CACNA1S: variants seen among roughly 807,000 people sequenced by gnomAD.
CACNA1S encodes the protein voltage-dependent L-type calcium channel subunit alpha-1S.
In CACNA1S, 126 loss-of-function variants were observed where a neutral mutation model predicts 207.4. That is an observed-to-expected ratio of 0.61 (90% confidence interval 0.53 to 0.70). The LOEUF is 0.70. CACNA1S is among the 30% of genes least tolerant of loss of function. The probability of loss-of-function intolerance (pLI) is 0.00; values close to 1 mark genes in which losing one functional copy is unlikely to be tolerated. For synonymous variants in CACNA1S, 960 were observed against 932.7 expected (o/e 1.03, Z -0.53); for missense variants, 2,349 against 2,422.8 (o/e 0.97, Z 0.64).
rs1381384677 is a variant in CACNA1S, at chr1:201,070,280, G to T, written c.2352C>A (p.Pro784=). Reference sequence around the variant, plus strand: ...AGCCAAGGGGCACCCACTTATTGGTGGGGCTGAAGATGAAGAAGGAGCTGG... The same window carrying T: ...AGCCAAGGGGCACCCACTTATTGGTTGGGCTGAAGATGAAGAAGGAGCTGG... The part of the protein sequence containing the change: ...PEASSFFIFS[P]TNKIRVLCHR... The change falls in exon 17 of 44, where the codon CCC becomes CCA. Residue 784 remains proline, a synonymous_variant. Transcript: ENST00000362061. The T allele has an allele frequency of 6.2e-7, 1 of 1,613,968 alleles. No individual in the cohort carries two copies. The highest frequency in any genetic ancestry group is 8.5e-7 in the Non-Finnish European group (1 of 1,180,024).
chr1:201,093,376 T>C (rs1014996568), intron 3 of CACNA1S, among the ~76,000 whole-genome samples: 3 of 152,242 alleles, frequency 2.0e-5, no homozygotes, highest in Admixed American at 2.0e-4. Context: ...TGACCTTGAA[T>C]TTCCAGACTC....
intron 19 of CACNA1S, among the ~76,000 whole-genome samples, chr1:201,067,923 G>T (rs1188401956): frequency 6.6e-6 from 1 of 152,164 alleles, no homozygotes; most frequent in African/African-American, 2.4e-5. Context: ...GGCTCGGCTA[G>T]CTTCTCCTCT....
At chr1:201,108,513 C>G (rs1360687614) in intron 2 of CACNA1S, among the ~76,000 whole-genome samples, 1 of 152,128 alleles carries the variant, frequency 6.6e-6, no homozygotes, top group Non-Finnish European at 1.5e-5. Context: ...TGGGGTAGAC[C>G]TAGAGCTCTC....
At chr1:201,043,244 T>A in intron 40 of CACNA1S, 37 bp downstream of exon 40, 1 of 1,613,614 alleles carries the variant, frequency 6.2e-7, no homozygotes, top group Non-Finnish European at 8.5e-7. Context: ...GTCCTCCCAG[T>A]ACCTCTACAC....
intron 2 of CACNA1S, among the ~76,000 whole-genome samples, chr1:201,095,611 T>C (rs1450238562): frequency 6.6e-6 from 1 of 152,210 alleles, no homozygotes; most frequent in East Asian, 1.9e-4. Context: ...ATACAAGGAC[T>C]AGACTTGCTT....
chr1:201,045,875 T>C (rs994667158), intron 38 of CACNA1S, among the ~76,000 whole-genome samples: 1 of 152,118 alleles, frequency 6.6e-6, no homozygotes, highest in African/African-American at 2.4e-5. Context: ...CCTTGAAATA[T>C]GCATTAAAGT....
intron 7 of CACNA1S, among the ~76,000 whole-genome samples, chr1:201,086,173 G>T (rs904880127): frequency 6.6e-6 from 1 of 152,190 alleles, no homozygotes; most frequent in African/African-American, 2.4e-5. Flanking sequence ...GAGGAGCTGC[G>T]CCTGGCAGCC....
At chr1:201,045,683 C>A (rs1240429530) in intron 38 of CACNA1S, among the ~76,000 whole-genome samples, 1 of 145,254 alleles carries the variant, frequency 6.9e-6, no homozygotes, top group African/African-American at 2.6e-5. Context: ...CGCAGTGAGC[C>A]AAGATCATGC....
chr1:201,095,999 G>A (rs535069710), intron 2 of CACNA1S, among the ~76,000 whole-genome samples: 1 of 152,336 alleles, frequency 6.6e-6, no homozygotes, highest in South Asian at 2.1e-4. Context: ...TCAGGTTGCT[G>A]CAACCCCAGA....
Position 201,112,350 on chromosome 1 carries a change from G to T in CACNA1S, c.-11C>A. On this transcript the variant is annotated 5_prime_UTR_variant, in exon 1 of 44. Coordinates refer to ENST00000362061, the MANE Select transcript of CACNA1S (RefSeq NM_000069.3). ...TGAGGATGGCTCCATGGCTTCCCTG[G>T]GAATCTGGCTTTCTCCTGCTCCCCC... 6.2e-7 allele frequency: 1 copy of T among 1,610,838 alleles called. No homozygotes were observed. Among genetic ancestry groups the T allele is most frequent in the South Asian group, 1.1e-5 (1 of 91,008 alleles).
At chr1:201,094,378 A>G (rs904868153) in intron 2 of CACNA1S, among the ~76,000 whole-genome samples, 2 of 152,132 alleles carry the variant, frequency 1.3e-5, no homozygotes, top group Non-Finnish European at 2.9e-5. Flanking sequence ...TACATATAAA[A>G]TCTTGTTCAT....
intron 6 of CACNA1S, among the ~76,000 whole-genome samples, 169 bp downstream of exon 6, chr1:201,089,089 G>A (rs1437203601): frequency 6.6e-6 from 1 of 152,244 alleles, no homozygotes; most frequent in Non-Finnish European, 1.5e-5. Context: ...CTGGGAACCA[G>A]AAAGGGACAC....
chr1:201,044,191 G>A, intron 39 of CACNA1S, 137 bp downstream of exon 39: 1 of 1,002,886 alleles, frequency 1.0e-6, no homozygotes, highest in East Asian at 2.7e-5. Context: ...GGTGGGTGGT[G>A]AAGTGGAGAG....
At chr1:201,048,313 C>T (rs948516741) in intron 36 of CACNA1S, among the ~76,000 whole-genome samples, 2 of 152,326 alleles carry the variant, frequency 1.3e-5, no homozygotes, top group Middle Eastern at 3.4e-3. Context: ...ACCCCTGACC[C>T]CTGTGCCAGC....
intron 10 of CACNA1S, 70 bp downstream of exon 10, chr1:201,083,092 A>G: frequency 6.5e-7 from 1 of 1,542,236 alleles, no homozygotes; most frequent in Non-Finnish European, 9.0e-7. Flanking sequence ...CTGTGGTGCC[A>G]TTGGCTGATT....
intron 5 of CACNA1S, among the ~76,000 whole-genome samples, chr1:201,091,383 C>T (rs1285896080): frequency 6.8e-6 from 1 of 146,298 alleles, no homozygotes; most frequent in Non-Finnish European, 1.5e-5. Context: ...GAACATACCA[C>T]ATTGTATGTG....
chr1:201,092,246 T>A (rs1282194910), intron 3 of CACNA1S, 132 bp from the exon 4 acceptor site: 3 of 846,732 alleles, frequency 3.5e-6, no homozygotes, highest in Non-Finnish European at 5.8e-6. Flanking sequence ...CAAATACGGG[T>A]GCATCAACTA....
chr1:201,112,129 C>A lies in CACNA1S; in HGVS notation c.152+59G>T, dbSNP rs1015044315. The A allele has an allele frequency of 1.9e-6, 3 of 1,555,544 alleles. No individual in the cohort carries two copies. In the African/African-American group the frequency reaches 4.1e-5, roughly 21 times the overall value. On this transcript the variant is annotated intron_variant, in intron 1 of 43. Coordinates refer to ENST00000362061, the MANE Select transcript of CACNA1S (RefSeq NM_000069.3). ...GTAGGAAGTTTGTGCTCTGTGATCA[C>A]CCCGAATCCCTCCCTCATGACGCAC...
chr1:201,079,620 G>A (rs1004233149), intron 10 of CACNA1S, among the ~76,000 whole-genome samples: 2 of 128,110 alleles, frequency 1.6e-5, no homozygotes, highest in African/African-American at 3.0e-5. Flanking sequence ...TCTGGGACCC[G>A]CAGCTACAGG....
Sources: allele counts gnomAD v4.1 joint callset (sites outside exome capture counted in the v4.1 genomes callset), GRCh38; gene constraint gnomAD v4.1.1; transcripts MANE v1.5; gene names NCBI Gene and HGNC (gene_info 2026-07-23, HGNC 2026-07-21).